Variants in PSMG2 observed in about 807,000 individuals in gnomAD.
The protein encoded by PSMG2 is proteasome assembly chaperone 2, also known as CD40 ligand-activated specific transcript 3.
In PSMG2, 21 loss-of-function variants were observed where a neutral mutation model predicts 31.5. The ratio of observed to expected loss-of-function variants is 0.67; its 90% CI spans 0.47 to 0.96. The LOEUF (loss-of-function observed/expected upper bound fraction) is 0.96. Among genes scored for constraint, PSMG2 ranks in the 40% least tolerant of loss-of-function variants. PSMG2 has a pLI of 0.00. For missense variants in PSMG2, 318 were observed against 321.2 expected (o/e 0.99, Z 0.08); for synonymous variants, 120 against 110.4 (o/e 1.09, Z -0.54).
upstream of PSMG2, chr18:12,698,895 A>G (rs575362572): frequency 1.3e-5 from 13 of 985,478 alleles, no homozygotes; most frequent in Admixed American, 2.7e-4. Context: ...ATCTCTCCTT[A>G]CAGAAAAAGT....
intron 1 of PSMG2, among the ~76,000 whole-genome samples, chr18:12,668,028 G>A (rs2038840701): frequency 6.6e-6 from 1 of 151,948 alleles, no homozygotes; most frequent in Non-Finnish European, 1.5e-5. Flanking sequence ...ACTTTGGGAG[G>A]CCGAGGCAGG....
chr18:12,683,839 A>C (rs1030310164), intron 1 of PSMG2, among the ~76,000 whole-genome samples: 1 of 152,092 alleles, frequency 6.6e-6, no homozygotes, highest in Admixed American at 6.6e-5. Flanking sequence ...GCAAGATACA[A>C]AAATTTATTT....
At chr18:12,702,977 G>A (rs1488951563), upstream of PSMG2, 4 of 1,046,334 alleles carry the variant, frequency 3.8e-6, no homozygotes, top group Non-Finnish European at 5.4e-6. Context: ...GGCCTCAAGG[G>A]CCCGGCGCCC....
intron 1 of PSMG2, chr18:12,673,163 A>T: frequency 8.2e-7 from 1 of 1,219,216 alleles, no homozygotes; most frequent in African/African-American, 1.6e-5. Context: ...TTCCAGGGAG[A>T]TTTATACAAG....
chr18:12,705,576 AGT>A (rs548642491), intron 1 of PSMG2, among the ~76,000 whole-genome samples: 13,687 of 129,524 alleles, frequency 0.11, 698 homozygotes, highest in Non-Finnish European at 0.12. Context: ...AGAGAGAGAG[AGT>A]GTGTGTGTGT....
intron 1 of PSMG2, among the ~76,000 whole-genome samples, chr18:12,669,758 TG>T (rs1385748335): frequency 6.6e-6 from 1 of 151,924 alleles, no homozygotes; most frequent in Non-Finnish European, 1.5e-5. Context: ...CCCAGCACTT[TG>T]GGAGGCCAAG....
intron 1 of PSMG2, among the ~76,000 whole-genome samples, chr18:12,690,468 T>G (rs1388334584): frequency 6.6e-6 from 1 of 152,070 alleles, no homozygotes; most frequent in African/African-American, 2.4e-5. Flanking sequence ...TGTTGTTTTT[T>G]TTTTTGAGAC....
At chr18:12,702,521 C>A, upstream of PSMG2, 1 of 1,609,106 alleles carries the variant, frequency 6.2e-7, no homozygotes. Flanking sequence ...TGCTTCAGCT[C>A]GGAGGCTTTC....
chr18:12,709,126 A>G (rs1483291860), intron 2 of PSMG2, among the ~76,000 whole-genome samples: 1 of 150,946 alleles, frequency 6.6e-6, no homozygotes, highest in African/African-American at 2.4e-5. Flanking sequence ...GCCCATTGCA[A>G]CCTCTGCCTC....
At chr18:12,720,444 A>G (rs2145150585) in intron 4 of PSMG2, 66 bp from the exon 5 acceptor site, 1 of 1,327,690 alleles carries the variant, frequency 7.5e-7, no homozygotes, top group African/African-American at 1.5e-5. Context: ...GACCAAGAGA[A>G]TTTTAGCTAA....
chr18:12,700,903 T>TA (rs376425761), upstream of PSMG2: 185 of 1,418,168 alleles, frequency 1.3e-4, no homozygotes, highest in African/African-American at 2.2e-3. Context: ...TAAGTAGTGT[T>TA]ACGCATTAGT....
chr18:12,674,877 TTAATAA>T (rs891659972), intron 1 of PSMG2: 3 of 532,552 alleles, frequency 5.6e-6, no homozygotes, highest in South Asian at 3.4e-5. Context: ...TCATAATATT[TTAATAA>T]TAATAATTAT....
At chr18:12,690,407 T>G (rs1248219859) in intron 1 of PSMG2, among the ~76,000 whole-genome samples, 1 of 152,068 alleles carries the variant, frequency 6.6e-6, no homozygotes, top group Non-Finnish European at 1.5e-5. Context: ...ACAAAATATT[T>G]GAACTGTTCC....
intron 5 of PSMG2, among the ~76,000 whole-genome samples, chr18:12,723,259 G>C (rs914628020): frequency 6.6e-6 from 1 of 151,828 alleles, no homozygotes; most frequent in African/African-American, 2.4e-5. Flanking sequence ...TTGGTTTTAG[G>C]GTGTTAGGAG....
At chr18:12,716,390 ATTTTTTT>A (rs552921643) in intron 3 of PSMG2, among the ~76,000 whole-genome samples, 3 of 130,342 alleles carry the variant, frequency 2.3e-5, no homozygotes, top group Admixed American at 7.8e-5. Context: ...TAAAGAGTGA[ATTTTTTT>A]TTTTTTTTTT....
At chr18:12,681,330 T>C (rs984394896) in intron 1 of PSMG2, among the ~76,000 whole-genome samples, 17 of 149,550 alleles carry the variant, frequency 1.1e-4, no homozygotes, top group African/African-American at 4.2e-4. Context: ...CATAGCAGCC[T>C]TGACCTCCTG....
Position 12,720,406 on chromosome 18 carries a change from GT to G in PSMG2, c.408-100del, listed in dbSNP as rs1264816171. 3.3e-6 allele frequency: 3 copies of G among 917,218 alleles called. No individual in the cohort carries two copies. The African/African-American group carries it at 5.0e-5, about 15-fold the overall frequency. 56.8% of individuals were successfully genotyped at this position (917,218 alleles called of 1,614,324 possible). On this transcript the variant is annotated intron_variant, in intron 4 of 6. Coordinates refer to ENST00000317615, the MANE Select transcript of PSMG2 (RefSeq NM_020232.5). ...TTTACTTAAGTCTGCTGAAACTTGT[GT>G]TTTGCCTGTGCAGCAGAATATATGG... is the stretch of plus-strand genomic sequence containing the variant.
chr18:12,694,860 GCCA>G (rs2039893367), intron 1 of PSMG2, among the ~76,000 whole-genome samples: 1 of 151,474 alleles, frequency 6.6e-6, no homozygotes, highest in Non-Finnish European at 1.5e-5. Context: ...ACAGGTGCCT[GCCA>G]CCACGCCCGG....
In PSMG2 at chr18:12,719,890, A is replaced by G. The variant is rs1314711002; in HGVS notation, c.408-620A>G. 5.4e-5 allele frequency among the ~76,000 whole-genome samples: 8 copies of G among 148,358 alleles called. No individual in the cohort carries two copies. The Admixed American group carries it at 5.4e-4, about 10-fold the overall frequency. On this transcript the variant is annotated intron_variant, in intron 4 of 6. Transcript: ENST00000317615. Reference sequence around the variant, plus strand: ...AGGCGCATGCCACCACACCCGGCTAATTTTTTGTGTTTTTAGTAGAGACAG... The same window carrying G: ...AGGCGCATGCCACCACACCCGGCTAGTTTTTTGTGTTTTTAGTAGAGACAG...
Sources: gnomAD v4.1 joint callset for allele counts (sites outside exome capture counted in the v4.1 genomes callset) on GRCh38, gnomAD v4.1.1 for gene constraint, MANE v1.5 for transcripts, NCBI Gene and HGNC (gene_info 2026-07-23, HGNC 2026-07-21) for gene names.